LAMA2: variants seen among roughly 807,000 people sequenced by gnomAD.
LAMA2 encodes the protein laminin subunit alpha-2.
In LAMA2, 269 loss-of-function variants were observed where a neutral mutation model predicts 364.8. The ratio of observed to expected loss-of-function variants is 0.74; its 90% CI spans 0.67 to 0.82. LAMA2 has a LOEUF of 0.82. Ranked by LOEUF, LAMA2 falls within the 40% of genes least tolerant of loss-of-function variation. The pLI is 0.00. For missense variants in LAMA2, 3,807 were observed against 3,873.2 expected (o/e 0.98, Z 0.45); for synonymous variants, 1,379 against 1,370.6 (o/e 1.01, Z -0.14).
chr6:129,079,718 A>G (rs1257813707), intron 3 of LAMA2, among the ~76,000 whole-genome samples: 1 of 152,206 alleles, frequency 6.6e-6, no homozygotes, highest in African/African-American at 2.4e-5. Flanking sequence ...AAGAATGCCC[A>G]TGTAAAATTT....
intron 1 of LAMA2, chr6:128,929,095 C>A: frequency 6.9e-7 from 1 of 1,457,572 alleles, no homozygotes; most frequent in South Asian, 1.1e-5. Flanking sequence ...ACACTGTGGA[C>A]CGCAGCAGCG....
chr6:128,894,549 T>C (rs552501944), intron 1 of LAMA2, among the ~76,000 whole-genome samples: 3 of 152,302 alleles, frequency 2.0e-5, no homozygotes, highest in African/African-American at 7.2e-5. Flanking sequence ...GTACATAGGG[T>C]ATTCCACGAA....
intron 1 of LAMA2, among the ~76,000 whole-genome samples, chr6:128,910,837 A>G (rs7741435): frequency 0.85 from 125,542 of 148,310 alleles, 53,397 homozygotes; most frequent in South Asian, 0.92. Flanking sequence ...CTTTCTGTTT[A>G]TTAGTTTTCC....
intron 3 of LAMA2, among the ~76,000 whole-genome samples, chr6:129,082,855 A>G (rs1429136645): frequency 6.6e-6 from 1 of 152,074 alleles, no homozygotes; most frequent in Non-Finnish European, 1.5e-5. Flanking sequence ...ATGCTTTAAA[A>G]TTTTATTCTT....
intron 29 of LAMA2, among the ~76,000 whole-genome samples, chr6:129,340,010 A>G (rs985542098): frequency 5.3e-5 from 8 of 151,836 alleles, no homozygotes; most frequent in African/African-American, 9.7e-5. Context: ...AAAAAAAAAA[A>G]AAAGAAAGAA....
chr6:128,987,392 C>T (rs999384859), intron 1 of LAMA2, among the ~76,000 whole-genome samples: 2 of 152,010 alleles, frequency 1.3e-5, no homozygotes, highest in Non-Finnish European at 2.9e-5. Context: ...CCAACCGCCT[C>T]GGCCTCCCAA....
At position 129,464,574 on chromosome 6, in the gene LAMA2, G is replaced by A. The variant is rs1783442104; in HGVS notation, c.7155+122G>A. ...AGTTATTTTCTAAAAAGCCTGGGATGATTGTCTGGCAGCCAAGAATGGGTG... is the reference window on the plus strand; with the variant it reads ...AGTTATTTTCTAAAAAGCCTGGGATAATTGTCTGGCAGCCAAGAATGGGTG... On this transcript the variant is annotated intron_variant, in intron 50 of 64. Coordinates refer to ENST00000421865, the MANE Select transcript of LAMA2 (RefSeq NM_000426.4). 3.4e-6 allele frequency: 3 copies of A among 885,330 alleles called. No individual in the cohort carries two copies. In the Admixed American group the frequency reaches 5.1e-5, roughly 15 times the overall value. 54.8% of individuals were successfully genotyped at this position (885,330 alleles called of 1,614,324 possible). A position where few individuals can be genotyped will look rare whatever the true frequency, so the allele number is the denominator to read the frequency against.
intron 3 of LAMA2, among the ~76,000 whole-genome samples, chr6:129,095,125 C>T (rs1775091214): frequency 6.6e-6 from 1 of 152,202 alleles, no homozygotes; most frequent in Non-Finnish European, 1.5e-5. Flanking sequence ...TCTCATTTGC[C>T]TGAAGAATAC....
At chr6:129,404,902 G>T (rs1562533996) in intron 40 of LAMA2, among the ~76,000 whole-genome samples, 5 of 151,982 alleles carry the variant, frequency 3.3e-5, no homozygotes, top group South Asian at 4.2e-4. Flanking sequence ...GTCTTAGCAG[G>T]TTCATTTTGT....
chr6:129,156,806 A>C (rs925351114), intron 8 of LAMA2, among the ~76,000 whole-genome samples: 2 of 152,142 alleles, frequency 1.3e-5, no homozygotes, highest in African/African-American at 4.8e-5. Flanking sequence ...TCATGTTAAA[A>C]AATAAAGCTG....
At chr6:129,491,477 A>C (rs993245043) in intron 56 of LAMA2, among the ~76,000 whole-genome samples, 1 of 152,220 alleles carries the variant, frequency 6.6e-6, no homozygotes, top group Admixed American at 6.5e-5. Context: ...CTGCAATCTA[A>C]GCTCTCAGGA....
At chr6:128,982,572 T>C (rs889798937) in intron 1 of LAMA2, among the ~76,000 whole-genome samples, 1 of 152,124 alleles carries the variant, frequency 6.6e-6, no homozygotes, top group Non-Finnish European at 1.5e-5. Flanking sequence ...TTACCTTTTT[T>C]TACCAGTTTT....
At position 129,507,506 on chromosome 6, in the gene LAMA2, T is replaced by C. The variant is rs144136299; in HGVS notation, c.8721T>C (p.Asp2907=). ...RRIGPVTYSI[D]GCVRNLHMAE... ...ATGTTTAGGTGACCTATAGCATTGA[T>C]GGCTGCGTCAGGAATCTCCACATGG... The change falls in exon 62 of 65, where the codon GAT becomes GAC. Residue 2907 remains aspartate (D), a synonymous_variant. Coordinates refer to ENST00000421865, the MANE Select transcript of LAMA2 (RefSeq NM_000426.4). The C allele has an allele frequency of 3.9e-5, 63 of 1,614,102 alleles. No individual in the cohort carries two copies. The highest frequency in any genetic ancestry group is 5.3e-5 in the African/African-American group (4 of 74,954).
chr6:128,920,621 T>C (rs932475879), intron 1 of LAMA2, among the ~76,000 whole-genome samples: 15 of 151,710 alleles, frequency 9.9e-5, no homozygotes, highest in Non-Finnish European at 1.5e-4. Flanking sequence ...TTTTAGCATG[T>C]ACCATTGTTT....
At chr6:129,059,219 CG>C (rs1338660930) in intron 2 of LAMA2, among the ~76,000 whole-genome samples, 2 of 152,194 alleles carry the variant, frequency 1.3e-5, no homozygotes, top group African/African-American at 4.8e-5. Flanking sequence ...GCTATATTTT[CG>C]GGTATTGGTT....
At chr6:129,513,401 A>G (rs956476488) in intron 63 of LAMA2, among the ~76,000 whole-genome samples, 1 of 152,160 alleles carries the variant, frequency 6.6e-6, no homozygotes, top group Non-Finnish European at 1.5e-5. Context: ...TTCAAGTAAC[A>G]TGCTCTTAAG....
intron 55 of LAMA2, among the ~76,000 whole-genome samples, chr6:129,483,016 G>A (rs569955993): frequency 6.1e-5 from 9 of 148,702 alleles, no homozygotes; most frequent in Non-Finnish European, 1.3e-4. Context: ...GCAGTGAGCC[G>A]AGATTGTGCC....
intron 1 of LAMA2, among the ~76,000 whole-genome samples, chr6:128,926,679 C>T (rs13198457): frequency 0.07 from 10,616 of 152,180 alleles, 451 homozygotes; most frequent in South Asian, 0.12. Flanking sequence ...TATTTGTGCT[C>T]CTTTTTAATA....
chr6:129,410,812 C>T (rs748691758), intron 40 of LAMA2, among the ~76,000 whole-genome samples: 6 of 152,206 alleles, frequency 3.9e-5, no homozygotes, highest in African/African-American at 1.2e-4. Context: ...AATTGGCTTA[C>T]GTGATTATGG....
Sources: gnomAD v4.1 joint callset for allele counts (sites outside exome capture counted in the v4.1 genomes callset) on GRCh38, gnomAD v4.1.1 for gene constraint, MANE v1.5 for transcripts, NCBI Gene and HGNC (gene_info 2026-07-23, HGNC 2026-07-21) for gene names.